The following HS3ST5 variants were observed in gnomAD, a reference collection of about 807,000 sequenced individuals.
The protein encoded by HS3ST5 is heparan sulfate-glucosamine 3-sulfotransferase 5.
A neutral mutation model predicts 25.4 loss-of-function variants in HS3ST5; 10 were observed. The ratio of observed to expected loss-of-function variants is 0.39; its 90% CI spans 0.24 to 0.67. The LOEUF (loss-of-function observed/expected upper bound fraction) is 0.67. HS3ST5 is among the 30% of genes least tolerant of loss of function. The probability of loss-of-function intolerance (pLI) is 0.44; values close to 1 mark genes in which losing one functional copy is unlikely to be tolerated. For synonymous variants in HS3ST5, 170 were observed against 162.4 expected (o/e 1.05, Z -0.36); for missense variants, 324 against 420.7 (o/e 0.77, Z 2.01).
At chr6:114,077,801 A>G (rs946757039) in intron 3 of HS3ST5, among the ~76,000 whole-genome samples, 3 of 152,218 alleles carry the variant, frequency 2.0e-5, no homozygotes, top group African/African-American at 7.2e-5. Context: ...TTTAATGAAG[A>G]CCAAAGAAAT....
In HS3ST5 at chr6:114,215,231, G is replaced by A. The variant is rs540091611; in HGVS notation, c.-145+13354C>T. On this transcript the variant is annotated intron_variant, in intron 2 of 4. Coordinates refer to ENST00000312719, the MANE Select transcript of HS3ST5 (RefSeq NM_153612.4). ...TGAGGCAGGAGAATGGCATGAATCC[G>A]GGAGGCGGAGCTTCCAGTGAGCCGA... Among the ~76,000 whole-genome samples the A allele has an allele frequency of 4.4e-3, 665 of 152,182 alleles. 6 individuals carry two copies. Among genetic ancestry groups the A allele is most frequent in the African/African-American group, 0.015 (643 of 41,514 alleles).
At chr6:114,326,362 C>T (rs1260270228) in intron 1 of HS3ST5, among the ~76,000 whole-genome samples, 2 of 152,080 alleles carry the variant, frequency 1.3e-5, no homozygotes, top group Admixed American at 1.3e-4. Flanking sequence ...TGCACTCCAG[C>T]CTGGGTGACA....
chr6:114,254,720 C>T (rs545825682), intron 1 of HS3ST5, among the ~76,000 whole-genome samples: 6 of 152,136 alleles, frequency 3.9e-5, no homozygotes, highest in African/African-American at 1.4e-4. Flanking sequence ...GGCAAGAGAA[C>T]ATGAGAACCA....
chr6:114,130,252 A>AC (rs1462107370), intron 3 of HS3ST5, among the ~76,000 whole-genome samples: 3 of 152,224 alleles, frequency 2.0e-5, no homozygotes, highest in African/African-American at 7.2e-5. Context: ...ATCAAGCACC[A>AC]CATATATAGC....
intron 2 of HS3ST5, among the ~76,000 whole-genome samples, chr6:114,215,179 C>T (rs1047243883): frequency 6.6e-6 from 1 of 151,746 alleles, no homozygotes; most frequent in Non-Finnish European, 1.5e-5. Flanking sequence ...CGTGGCGGGC[C>T]CCTGTAGTCT....
intron 1 of HS3ST5, among the ~76,000 whole-genome samples, chr6:114,230,657 G>A (rs1771541283): frequency 6.7e-6 from 1 of 150,366 alleles, no homozygotes; most frequent in African/African-American, 2.5e-5. Context: ...CATGATCTCG[G>A]CTCACTGCAA....
At chr6:114,222,322 T>C (rs185162638) in intron 2 of HS3ST5, among the ~76,000 whole-genome samples, 3 of 151,924 alleles carry the variant, frequency 2.0e-5, no homozygotes, top group African/African-American at 7.2e-5. Flanking sequence ...AAATAGAGCT[T>C]GTCGTCTGCT....
chr6:114,341,222 G>GGAGAGGGAGAGAGAGAGA (rs1776841397), intron 1 of HS3ST5, among the ~76,000 whole-genome samples: 2 of 46,600 alleles, frequency 4.3e-5, no homozygotes, highest in African/African-American at 2.5e-4. Context: ...GGAGAGAGGG[G>GGAGAGGGAGAGAGAGAGA]GAGAGAGAGA....
intron 1 of HS3ST5, among the ~76,000 whole-genome samples, chr6:114,246,050 A>G (rs1772364952): frequency 6.7e-6 from 1 of 150,104 alleles, no homozygotes; most frequent in Admixed American, 6.6e-5. Flanking sequence ...GGCAAACTGA[A>G]TAAGATTTTT....
chr6:114,296,344 G>A (rs117346207), intron 1 of HS3ST5, among the ~76,000 whole-genome samples: 1,639 of 150,282 alleles, frequency 0.011, 12 homozygotes, highest in Middle Eastern at 0.027. Context: ...TTTTGCCCTG[G>A]AAAAAAAAAT....
At chr6:114,249,278 GT>G (rs1024351955) in intron 1 of HS3ST5, among the ~76,000 whole-genome samples, 4 of 152,108 alleles carry the variant, frequency 2.6e-5, no homozygotes, top group African/African-American at 9.7e-5. Context: ...GCCCTTACAT[GT>G]TTTTCTTATT....
At position 114,267,147 on chromosome 6, in the gene HS3ST5, A is replaced by G. The variant is rs1773439439; in HGVS notation, c.-338-38369T>C. On this transcript the variant is annotated intron_variant, in intron 1 of 4. Transcript: ENST00000312719. ...GGTATGGGAAAAAAATCAAATAACT[A>G]AAGATTTATTAAAGGCTAATTTAAT... 3.9e-5 allele frequency among the ~76,000 whole-genome samples: 6 copies of G among 152,212 alleles called. No homozygotes were observed. The South Asian group carries it at 1.0e-3, about 26-fold the overall frequency.
chr6:114,308,371 G>A (rs1424739021), intron 1 of HS3ST5, among the ~76,000 whole-genome samples: 2 of 152,088 alleles, frequency 1.3e-5, no homozygotes, highest in East Asian at 1.9e-4. Flanking sequence ...AGATCACGAG[G>A]TCAGGAGATC....
chr6:114,147,695 C>T lies in HS3ST5; in HGVS notation c.-33+20656G>A, dbSNP rs571268687. ...TCCTAGGCTCAAGTGATCCTCCTGC[C>T]TCAGCCTCCCGAGTAGCTGGGACTA... On this transcript the variant is annotated intron_variant, in intron 3 of 4. Coordinates refer to ENST00000312719, the MANE Select transcript of HS3ST5 (RefSeq NM_153612.4). Among the ~76,000 whole-genome samples the T allele has an allele frequency of 3.9e-5, 6 of 152,272 alleles. 1 individual carries two copies. The South Asian group carries it at 1.0e-3, about 26-fold the overall frequency.
chr6:114,113,849 T>A (rs1350568214), intron 3 of HS3ST5, among the ~76,000 whole-genome samples: 1 of 151,974 alleles, frequency 6.6e-6, no homozygotes, highest in Non-Finnish European at 1.5e-5. Flanking sequence ...TTTTATGTGA[T>A]CATTTACTTG....
chr6:114,253,408 A>G (rs779151772), intron 1 of HS3ST5, among the ~76,000 whole-genome samples: 2 of 152,212 alleles, frequency 1.3e-5, no homozygotes, highest in Non-Finnish European at 2.9e-5. Flanking sequence ...GCTGTTTCCT[A>G]CTGAGTTTTG....
At chr6:114,169,592 C>T (rs1020512807) in intron 2 of HS3ST5, among the ~76,000 whole-genome samples, 1 of 152,262 alleles carries the variant, frequency 6.6e-6, no homozygotes, top group African/African-American at 2.4e-5. Context: ...CTTGTGAGAA[C>T]TTCTTGGCAT....
chr6:114,151,469 T>C (rs755434391), intron 3 of HS3ST5, among the ~76,000 whole-genome samples: 2 of 152,244 alleles, frequency 1.3e-5, no homozygotes, highest in Non-Finnish European at 2.9e-5. Flanking sequence ...TCTTGCTAAG[T>C]ACAATAGGAC....
intron 3 of HS3ST5, among the ~76,000 whole-genome samples, chr6:114,136,398 T>C (rs1777615376): frequency 6.6e-6 from 1 of 152,198 alleles, no homozygotes; most frequent in South Asian, 2.1e-4. Context: ...TTGCTCTTCA[T>C]TTGTCTTCAG....
Sources: gnomAD v4.1 joint callset for allele counts (sites outside exome capture counted in the v4.1 genomes callset) on GRCh38, gnomAD v4.1.1 for gene constraint, MANE v1.5 for transcripts, NCBI Gene and HGNC (gene_info 2026-07-23, HGNC 2026-07-21) for gene names.